REC114: variants seen among roughly 807,000 people sequenced by gnomAD.
REC114 encodes the protein REC114 meiotic recombination protein, also known as meiotic recombination protein REC114.
In REC114, 27 loss-of-function variants were observed where a neutral mutation model predicts 31.3. That is an observed-to-expected ratio of 0.86 (90% confidence interval 0.64 to 1.19). The LOEUF is 1.19. Among genes scored for constraint, REC114 ranks in the 50% most tolerant of loss-of-function variants. The pLI is 0.00. For missense variants in REC114, 344 were observed against 326.9 expected (o/e 1.05, Z -0.40); for synonymous variants, 134 against 127.7 (o/e 1.05, Z -0.33).
At chr15:73,460,517 C>A (rs1265377749) in intron 1 of REC114, among the ~76,000 whole-genome samples, 1 of 152,098 alleles carries the variant, frequency 6.6e-6, no homozygotes, top group Admixed American at 6.5e-5. Context: ...AAGGTGTTTC[C>A]TTAACTCAAA....
rs944593784 is a variant in REC114 at position 73,534,700 on chromosome 15, T to A, written c.250-5785T>A. On this transcript the variant is annotated intron_variant, in intron 2 of 5. Transcript: ENST00000331090. ...TTTTATGAAGCCAGCATCATTCTGA[T>A]ACCAAAGCCAGGCAGAGACACAACA... 3.9e-5 allele frequency among the ~76,000 whole-genome samples: 6 copies of A among 152,022 alleles called. No homozygotes were observed. In the East Asian group the frequency reaches 1.2e-3, roughly 29 times the overall value.
intron 1 of REC114, among the ~76,000 whole-genome samples, chr15:73,458,933 G>T (rs1180474145): frequency 6.6e-6 from 1 of 152,196 alleles, no homozygotes; most frequent in Non-Finnish European, 1.5e-5. Context: ...AGGGTAACTG[G>T]CAGTCTGCCA....
chr15:73,455,071 G>A (rs576640814), intron 1 of REC114, among the ~76,000 whole-genome samples: 12 of 152,140 alleles, frequency 7.9e-5, no homozygotes, highest in South Asian at 2.1e-4. Context: ...AATCTGTGCC[G>A]AACCATCCTA....
At chr15:73,556,177 AT>A in intron 4 of REC114, 124 bp from the exon 5 acceptor site, 1 of 784,702 alleles carries the variant, frequency 1.3e-6, no homozygotes, top group Non-Finnish European at 2.0e-6. Flanking sequence ...GCTGACAACC[AT>A]TTTTATCACT....
chr15:73,449,910 C>T (rs1892819885), intron 1 of REC114, among the ~76,000 whole-genome samples: 1 of 152,130 alleles, frequency 6.6e-6, no homozygotes, highest in Non-Finnish European at 1.5e-5. Context: ...GCTTCATAAG[C>T]AAAGGAGAAA....
chr15:73,495,818 AT>A (rs1177007173), intron 2 of REC114, among the ~76,000 whole-genome samples: 1 of 152,028 alleles, frequency 6.6e-6, no homozygotes, highest in Non-Finnish European at 1.5e-5. Context: ...AAAAATTGTT[AT>A]TTTTTATATC....
At chr15:73,518,967 C>G (rs999200703) in intron 2 of REC114, among the ~76,000 whole-genome samples, 1 of 152,146 alleles carries the variant, frequency 6.6e-6, no homozygotes, top group African/African-American at 2.4e-5. Flanking sequence ...GAGGCCAAAA[C>G]AAGCCCATGA....
rs763758096 is a variant in REC114 at position 73,550,990 on chromosome 15, C to T, written c.386C>T (p.Ala129Val). The T allele has an allele frequency of 6.8e-6, 11 of 1,613,858 alleles. 1 individual carries two copies. The highest frequency in any genetic ancestry group is 2.2e-5 in the South Asian group (2 of 91,084). ...TTCAGTGGAGAGTCAAAGGAGCAGGCGCTGGAACACTGCTGCAGTTGTGTT... is the reference window on the plus strand; with the variant it reads ...TTCAGTGGAGAGTCAAAGGAGCAGGTGCTGGAACACTGCTGCAGTTGTGTT... ...VQFSGESKEQALEHCCSCVQK... is the reference protein window; with the variant it reads ...VQFSGESKEQVLEHCCSCVQK... Residue 129 changes from alanine to valine, a missense_variant, in exon 4 of 6, where the codon GCG (alanine) becomes GTG (valine). Physicochemically the swap from Ala to Val is moderately conservative, Grantham distance 64. Transcript: ENST00000331090.
intron 1 of REC114, 105 bp downstream of exon 1, chr15:73,443,449 A>C: frequency 7.6e-7 from 1 of 1,311,760 alleles, no homozygotes; most frequent in Non-Finnish European, 1.0e-6. Flanking sequence ...CCGAGGGGAC[A>C]CCGAGTGACT....
chr15:73,510,402 G>C (rs1195722221), intron 2 of REC114, among the ~76,000 whole-genome samples: 2 of 151,922 alleles, frequency 1.3e-5, no homozygotes, highest in African/African-American at 4.8e-5. Flanking sequence ...GGACAATTTG[G>C]CTTCCTCTTT....
chr15:73,487,021 C>CAA (rs139331434), intron 2 of REC114, among the ~76,000 whole-genome samples: 6 of 143,502 alleles, frequency 4.2e-5, no homozygotes, highest in African/African-American at 1.5e-4. Context: ...AACTCTGTCT[C>CAA]AAAAAAAAAA....
chr15:73,450,637 A>G (rs1030091485), intron 1 of REC114, among the ~76,000 whole-genome samples: 3 of 152,216 alleles, frequency 2.0e-5, no homozygotes, highest in Non-Finnish European at 4.4e-5. Flanking sequence ...AAGTGAACCT[A>G]ATAGACATCT....
chr15:73,515,138 C>T (rs1303783588), intron 2 of REC114, among the ~76,000 whole-genome samples: 3 of 152,046 alleles, frequency 2.0e-5, no homozygotes, highest in Admixed American at 6.6e-5. Flanking sequence ...CTCTCTGTTG[C>T]CCAGGCTAGT....
chr15:73,509,848 T>G (rs1893737054), intron 2 of REC114, among the ~76,000 whole-genome samples: 1 of 152,154 alleles, frequency 6.6e-6, no homozygotes, highest in South Asian at 2.1e-4. Context: ...ACTGTAGCCC[T>G]GTAGTATAGT....
At position 73,560,010 on chromosome 15, in the gene REC114, C is replaced by T. The variant is rs1894564863; in HGVS notation, c.*94C>T. On this transcript the variant is annotated 3_prime_UTR_variant, in exon 6 of 6. Coordinates refer to ENST00000331090, the MANE Select transcript of REC114 (RefSeq NM_001042367.2). ...AGATATTAGAATAAAGAGTATTATCCAAACACCTTTTATCAATGTTTTATT... is the reference window on the plus strand; with the variant it reads ...AGATATTAGAATAAAGAGTATTATCTAAACACCTTTTATCAATGTTTTATT... 1.4e-5 allele frequency: 17 copies of T among 1,178,252 alleles called. 2 individuals are homozygous for T. The South Asian group carries it at 2.2e-4, about 15-fold the overall frequency. The allele number at this position is 1,178,252 out of a possible 1,614,324, so 73.0% of individuals were successfully genotyped here.
At chr15:73,535,596 C>T (rs1894143683) in intron 2 of REC114, among the ~76,000 whole-genome samples, 1 of 147,346 alleles carries the variant, frequency 6.8e-6, no homozygotes, top group Non-Finnish European at 1.5e-5. Context: ...AATGGCCATA[C>T]TGCCCAAGGT....
intron 2 of REC114, among the ~76,000 whole-genome samples, chr15:73,490,651 C>T (rs769714826): frequency 5.5e-4 from 83 of 152,214 alleles, no homozygotes; most frequent in Middle Eastern, 3.4e-3. Context: ...GCCCTGGTCG[C>T]ACCACTGTAT....
chr15:73,550,974 G>A lies in REC114; in HGVS notation c.370G>A (p.Glu124Lys). Residue 124 changes from glutamate (E) to lysine (K), a missense_variant, in exon 4 of 6, where the codon GAG becomes AAG. Glu to Lys is a moderately conservative substitution (Grantham distance 56, BLOSUM62 1). Transcript: ENST00000331090. The stretch of plus-strand genomic sequence containing the variant: ...CCTGTTTCGAGTACAGTTCAGTGGA[G>A]AGTCAAAGGAGCAGGCGCTGGAACA... ...SRLFRVQFSGESKEQALEHCC... is the reference protein window; with the variant it reads ...SRLFRVQFSGKSKEQALEHCC... The A allele has an allele frequency of 6.2e-7, 1 of 1,613,914 alleles. No individual in the cohort carries two copies. Among genetic ancestry groups the A allele is most frequent in the Non-Finnish European group, 8.5e-7 (1 of 1,179,842 alleles).
chr15:73,497,497 G>A (rs1202318363), intron 2 of REC114, among the ~76,000 whole-genome samples: 1 of 152,148 alleles, frequency 6.6e-6, no homozygotes, highest in East Asian at 1.9e-4. Flanking sequence ...TTAGTCTCTA[G>A]CAGCATGCTA....
Sources: gnomAD v4.1 joint callset for allele counts (sites outside exome capture counted in the v4.1 genomes callset) on GRCh38, gnomAD v4.1.1 for gene constraint, MANE v1.5 for transcripts, NCBI Gene and HGNC (gene_info 2026-07-23, HGNC 2026-07-21) for gene names.